Variants in BTD observed in about 807,000 individuals in gnomAD.
BTD encodes the protein biocytinase.
In BTD, 13 loss-of-function variants were observed where a neutral mutation model predicts 17.7. That is an observed-to-expected ratio of 0.74 (90% CI 0.48 to 1.17). The LOEUF is 1.17. BTD is among the 50% of genes most tolerant of loss of function. BTD has a pLI of 0.00. For missense variants in BTD, 674 were observed against 650.4 expected, an observed-to-expected ratio of 1.04 and a Z score of -0.39; for synonymous variants, 240 against 245.2, an observed-to-expected ratio of 0.98 and a Z score of 0.20.
At chr3:15,675,478 T>C (rs560397076) in intron 3 of BTD, among the ~76,000 whole-genome samples, 3 of 152,094 alleles carry the variant, frequency 2.0e-5, no homozygotes, top group Non-Finnish European at 2.9e-5. Flanking sequence ...GCGAAAAATG[T>C]TACTCCAGGA....
At chr3:15,626,303 TC>T (rs2065064202) in intron 1 of BTD, among the ~76,000 whole-genome samples, 1 of 152,222 alleles carries the variant, frequency 6.6e-6, no homozygotes, top group African/African-American at 2.4e-5. Context: ...GGTAGCAGTC[TC>T]CTTCTACTTT....
At position 15,676,987 on chromosome 3, in the gene BTD, C is replaced by T. The variant is rs149481554; in HGVS notation, c.400-33073C>T. 1.8e-4 allele frequency: 286 copies of T among 1,612,360 alleles called. 2 individuals carry two copies. The African/African-American group carries it at 2.9e-3, about 16-fold the overall frequency. On this transcript the variant is annotated intron_variant, in intron 3 of 3. Coordinates refer to the BTD transcript ENST00000672141. The stretch of plus-strand genomic sequence containing the variant: ...GACAGTACTCACGTTTGCAAGGCTG[C>T]GTTGGTTGCATTGATGAGGTTTCTA...
Position 15,644,899 on chromosome 3 carries a change from A to G in BTD, c.983A>G (p.Glu328Gly). 1 of 1,614,120 alleles carries G rather than the reference A, an allele frequency of 6.2e-7. No homozygotes were observed. Among genetic ancestry groups the G allele is most frequent in the Non-Finnish European group, 8.5e-7 (1 of 1,180,022 alleles). The change falls in exon 4 of 4, where the codon GAG becomes GGG. Residue 328 changes from glutamate to glycine, a missense_variant. Glu to Gly is a moderately conservative substitution (Grantham distance 98). Coordinates refer to ENST00000643237, the MANE Select transcript of BTD (RefSeq NM_001370658.1). ...AATCCAGTGGGTCTCATTGGTGCAG[A>G]GAATGCAACAGGTGAAACGGACCCA... ...AKNPVGLIGA[E>G]NATGETDPSH... is the part of the protein sequence containing the mutation.
At chr3:15,673,516 C>T (rs1290212007) in intron 3 of BTD, among the ~76,000 whole-genome samples, 1 of 151,998 alleles carries the variant, frequency 6.6e-6, no homozygotes, top group Non-Finnish European at 1.5e-5. Flanking sequence ...ACAAAATCAA[C>T]ATAACAAAAA....
At chr3:15,689,930 G>A in intron 3 of BTD, 9 of 1,143,564 alleles carry the variant, frequency 7.9e-6, no homozygotes, top group Admixed American at 2.9e-5. Flanking sequence ...AAATTTTAAA[G>A]ACAATTAACT....
At chr3:15,707,706 C>T (rs2455830) in intron 3 of BTD, among the ~76,000 whole-genome samples, 71,813 of 152,046 alleles carry the variant, frequency 0.47, 19,727 homozygotes, top group Middle Eastern at 0.6. Context: ...ATCTTTCTTC[C>T]ACCAGATCAG....
At chr3:15,630,153 TC>T (rs1308254258) in intron 1 of BTD, 3 of 871,410 alleles carry the variant, frequency 3.4e-6, no homozygotes, top group Non-Finnish European at 4.1e-6. Flanking sequence ...GAAACTCAAA[TC>T]TTGAAAGTCA....
At chr3:15,617,768 T>A (rs541896063) in intron 1 of BTD, among the ~76,000 whole-genome samples, 68 of 152,296 alleles carry the variant, frequency 4.5e-4, no homozygotes, top group Non-Finnish European at 9.3e-4. Context: ...TTTATGTGGG[T>A]CTATTTCTGG....
chr3:15,674,113 A>C (rs1366159433), intron 3 of BTD, among the ~76,000 whole-genome samples: 1 of 139,740 alleles, frequency 7.2e-6, no homozygotes, highest in African/African-American at 2.6e-5. Flanking sequence ...TCAAGGTTAC[A>C]ATCAGCTATG....
chr3:15,721,011 T>C lies in BTD; in HGVS notation c.1016-759T>C, dbSNP rs377594585. The stretch of plus-strand genomic sequence containing the variant: ...CAAAGTGCAAAGGAGTAAATCCTTT[T>C]TCATTCTTTTGATTCACAATAGCAC... On this transcript the variant is annotated intron_variant, in intron 4 of 4. Coordinates refer to the BTD transcript ENST00000672427. 1.9e-5 allele frequency: 30 copies of C among 1,613,928 alleles called. No individual in the cohort carries two copies. The African/African-American group carries it at 3.1e-4, about 16-fold the overall frequency.
chr3:15,626,154 A>G (rs1171154195), intron 1 of BTD, among the ~76,000 whole-genome samples: 1 of 152,160 alleles, frequency 6.6e-6, no homozygotes. Context: ...CTAAGATGCT[A>G]TTATTCCTGT....
rs56414135 is a variant in BTD at position 15,611,962 on chromosome 3, G to A, written c.-17+10068G>A. ...CTTTTTTTTCTTAATTAGGCTAGCC[G>A]ATCATTTGTCTTTACCTTTTTTTTT... On this transcript the variant is annotated intron_variant, in intron 1 of 3. Transcript: ENST00000643237. Among the ~76,000 whole-genome samples the A allele has an allele frequency of 2.5e-3, 372 of 151,498 alleles. 1 individual carries two copies. Among genetic ancestry groups the A allele is most frequent in the Middle Eastern group, 0.014 (4 of 294 alleles).
At chr3:15,714,642 T>A (rs1366605227), downstream of BTD, 1 of 1,597,220 alleles carries the variant, frequency 6.3e-7, no homozygotes. Flanking sequence ...GTAGTGGGGT[T>A]TTCCCATCTT....
chr3:15,635,621 A>G lies in BTD; in HGVS notation c.182A>G (p.Glu61Gly). Residue 61 changes from glutamate (E) to glycine (G), a missense_variant, in exon 2 of 4, where the codon GAG becomes GGG. Coordinates refer to ENST00000643237, the MANE Select transcript of BTD (RefSeq NM_001370658.1). The surrounding 1 kb of genome is among the most constrained non-coding windows in gnomAD (Gnocchi z 4.1). Reference sequence around the variant, plus strand: ...CCTCTGGCTCTCATCAGCCGCCAAGAGGCCTTGGAGCTCATGAACCAGAAC... The same window carrying G: ...CCTCTGGCTCTCATCAGCCGCCAAGGGGCCTTGGAGCTCATGAACCAGAAC... Reference protein sequence around the residue: ...LNPLALISRQEALELMNQNLD... With the variant: ...LNPLALISRQGALELMNQNLD... 6.2e-7 allele frequency: 1 copy of G among 1,614,240 alleles called. No individual in the cohort carries two copies. The highest frequency in any genetic ancestry group is 8.5e-7 in the Non-Finnish European group (1 of 1,180,036).
At chr3:15,693,390 A>G (rs544043226) in intron 3 of BTD, among the ~76,000 whole-genome samples, 140 of 144,280 alleles carry the variant, frequency 9.7e-4, no homozygotes, top group Non-Finnish European at 1.7e-3. Context: ...GTTAACTTGC[A>G]AGCACAAAAA....
intron 3 of BTD, among the ~76,000 whole-genome samples, chr3:15,695,542 A>G (rs2069412390): frequency 6.6e-6 from 1 of 152,156 alleles, no homozygotes; most frequent in Non-Finnish European, 1.5e-5. Flanking sequence ...AGGGAAGCAA[A>G]GTTTAATGTA....
chr3:15,645,463 A>C lies in BTD; in HGVS notation c.1547A>C (p.Tyr516Ser). The C allele has an allele frequency of 6.2e-7, 1 of 1,609,940 alleles. No individual in the cohort carries two copies. The highest frequency in any genetic ancestry group is 8.5e-7 in the Non-Finnish European group (1 of 1,179,980). ...LSSGLVTAAL[Y>S]GRLYERD is the part of the protein sequence containing the mutation. ...TCTGGGCTGGTGACGGCGGCTCTCT[A>C]TGGGCGCTTGTATGAGAGGGACTAG... Residue 516 changes from tyrosine to serine, a missense_variant, in exon 4 of 4, where the codon TAT becomes TCT. Physicochemically the swap from Tyr to Ser is moderately radical, Grantham distance 144. Transcript: ENST00000643237.
In BTD at chr3:15,645,114, A is replaced by G. The variant is rs1321023584; in HGVS notation, c.1198A>G (p.Asn400Asp). The part of the protein sequence containing the change: ...GKEGYLHVCS[N>D]GLCCYLLYER... Reference sequence around the variant, plus strand: ...GGAAGGCTATCTCCACGTCTGTTCCAATGGCCTCTGCTGTTATTTACTTTA... The same window carrying G: ...GGAAGGCTATCTCCACGTCTGTTCCGATGGCCTCTGCTGTTATTTACTTTA... Residue 400 changes from asparagine (N) to aspartate (D), a missense_variant, in exon 4 of 4, where the codon AAT becomes GAT. Physicochemically the swap from Asn to Asp is conservative, Grantham distance 23. Transcript: ENST00000643237. 1.9e-6 allele frequency: 3 copies of G among 1,614,174 alleles called. No individual in the cohort carries two copies. The highest frequency in any genetic ancestry group is 4.5e-5 in the East Asian group (2 of 44,878).
chr3:15,659,093 T>G (rs2065898721), intron 3 of BTD, among the ~76,000 whole-genome samples: 1 of 152,142 alleles, frequency 6.6e-6, no homozygotes, highest in South Asian at 2.1e-4. Context: ...CCTAGTACAT[T>G]CTCAGTAAAT....
Sources: gnomAD v4.1 joint callset for allele counts (sites outside exome capture counted in the v4.1 genomes callset) on GRCh38, gnomAD v4.1.1 for gene constraint, Gnocchi (gnomAD v3.1) non-coding constraint, MANE v1.5 for transcripts, NCBI Gene and HGNC (gene_info 2026-07-23, HGNC 2026-07-21) for gene names.